ZEB2: variants seen among roughly 807,000 people sequenced by gnomAD.
ZEB2 encodes the protein zinc finger E-box binding homeobox 2, also known as zinc finger E-box-binding homeobox 2.
ZEB2 carries 6 observed loss-of-function variants against 99.9 expected under a neutral mutation model. The ratio of observed to expected loss-of-function variants is 0.06; its 90% confidence interval spans 0.03 to 0.12. The LOEUF (loss-of-function observed/expected upper bound fraction) is 0.12. Ranked by LOEUF, ZEB2 falls within the 10% of genes least tolerant of loss-of-function variation. ZEB2 has a pLI of 1.00. For missense variants in ZEB2, 969 were observed against 1,502.8 expected (o/e 0.64, Z 5.87); for synonymous variants, 517 against 542.5 (o/e 0.95, Z 0.65).
At chr2:144,436,606 G>A (rs892407144) in intron 2 of ZEB2, among the ~76,000 whole-genome samples, 1 of 152,152 alleles carries the variant, frequency 6.6e-6, no homozygotes, top group Admixed American at 6.6e-5. Context: ...ATATTAGCAG[G>A]TTCCCTGGTA....
At chr2:144,493,640 A>G (rs1704714213) in intron 2 of ZEB2, among the ~76,000 whole-genome samples, 1 of 152,188 alleles carries the variant, frequency 6.6e-6, no homozygotes, top group Non-Finnish European at 1.5e-5. Context: ...AGATTGGAAC[A>G]TGAAACAGTG....
intron 2 of ZEB2, chr2:144,462,955 A>G (rs1346425505): frequency 6.6e-6 from 1 of 152,216 alleles, no homozygotes; most frequent in African/African-American, 2.4e-5. Context: ...GAGCAGTGTG[A>G]AAACATAATA....
intron 2 of ZEB2, among the ~76,000 whole-genome samples, chr2:144,501,988 G>A (rs146934474): frequency 4.2e-4 from 64 of 152,338 alleles, no homozygotes; most frequent in African/African-American, 1.5e-3. Context: ...CTTTCTGGCT[G>A]TGGGAATTAT....
chr2:144,442,633 A>G (rs1468946956), intron 2 of ZEB2, among the ~76,000 whole-genome samples: 1 of 152,166 alleles, frequency 6.6e-6, no homozygotes, highest in Non-Finnish European at 1.5e-5. Context: ...GAGTTTATTC[A>G]AAATTTCAAA....
rs148622318 is a variant in ZEB2 at position 144,434,638 on chromosome 2, G to A, written c.74-4612C>T. On this transcript the variant is annotated intron_variant, in intron 2 of 9. Transcript: ENST00000627532. ...GGATGGAAATCCCTGGGACTTTTTG[G>A]GATTTTCATGCCACAAAAATGGAGA... Among the ~76,000 whole-genome samples, 311 of 152,166 alleles carry A rather than the reference G, an allele frequency of 2.0e-3. 2 individuals are homozygous for A. The highest frequency in any genetic ancestry group is 4.8e-3 in the Admixed American group (73 of 15,266).
chr2:144,510,796 T>G (rs1476346460), intron 2 of ZEB2, among the ~76,000 whole-genome samples: 1 of 152,114 alleles, frequency 6.6e-6, no homozygotes, highest in Non-Finnish European at 1.5e-5. Context: ...AGGGCTGAAT[T>G]GTGATTAAGA....
In ZEB2 at chr2:144,399,871, A is replaced by G. The variant is rs1703286538; in HGVS notation, c.1316T>C (p.Leu439Ser). 3 of 1,614,188 alleles carry G rather than the reference A, an allele frequency of 1.9e-6. No individual in the cohort carries two copies. Among genetic ancestry groups the G allele is most frequent in the Non-Finnish European group, 2.5e-6 (3 of 1,180,028 alleles). Residue 439 changes from leucine to serine, a missense_variant, in exon 8 of 10, where the codon TTA becomes TCA. Leu to Ser is a moderately radical substitution (Grantham distance 145). Around this residue, in one of 8 missense-constraint regions of ZEB2, gnomAD observed 227 missense variants for 278.2 expected, o/e 0.82. Coordinates refer to ENST00000627532, the MANE Select transcript of ZEB2 (RefSeq NM_014795.4). This position sits in a 1 kb window ranked among gnomAD's most constrained non-coding sequence, Gnocchi z 5.6. Reference sequence around the variant, plus strand: ...TAAAGGGGCTTCCATCCCTACACCTAAGTGCTGCATTGGACTCTGAGCAGA... The same window carrying G: ...TAAAGGGGCTTCCATCCCTACACCTGAGTGCTGCATTGGACTCTGAGCAGA... ...HPSAQSPMQH[L>S]GVGMEAPLLG...
chr2:144,517,152 G>T, intron 2 of ZEB2, 126 bp downstream of exon 2: 2 of 1,125,434 alleles, frequency 1.8e-6, no homozygotes, highest in Non-Finnish European at 2.4e-6. Flanking sequence ...GCGGAGGGAG[G>T]CTCGCCCTAG....
At chr2:144,432,221 C>T (rs763620619) in intron 2 of ZEB2, among the ~76,000 whole-genome samples, 2 of 152,164 alleles carry the variant, frequency 1.3e-5, no homozygotes, top group Non-Finnish European at 2.9e-5. Context: ...GTCAGGAGTA[C>T]AGCATCCATC....
intron 4 of ZEB2, among the ~76,000 whole-genome samples, chr2:144,412,339 A>T (rs1703476511): frequency 1.3e-5 from 2 of 152,198 alleles, no homozygotes; most frequent in Admixed American, 6.5e-5. Context: ...GTAACCTAAA[A>T]ATTTGGAATT....
At chr2:144,395,307 C>T (rs1216303249) in intron 9 of ZEB2, among the ~76,000 whole-genome samples, 1 of 151,986 alleles carries the variant, frequency 6.6e-6, no homozygotes, top group African/African-American at 2.4e-5. Context: ...CTCATATTCC[C>T]TTTTCTGTCT....
chr2:144,405,257 T>C (rs1304986300), intron 4 of ZEB2: 4 of 563,336 alleles, frequency 7.1e-6, no homozygotes, highest in African/African-American at 5.6e-5. Flanking sequence ...ATTTTATTTT[T>C]TCTTCCTGGA....
intron 1 of ZEB2, 135 bp from the exon 2 acceptor site, chr2:144,517,554 GGCCCCCTCCCC>G: frequency 1.5e-6 from 1 of 679,012 alleles, no homozygotes; most frequent in Non-Finnish European, 2.6e-6. Context: ...AAACTTCGGC[GGCCCCCTCCCC>G]GCCCCCCACC....
intron 9 of ZEB2, among the ~76,000 whole-genome samples, chr2:144,391,457 C>T (rs74433670): frequency 0.019 from 2,852 of 152,282 alleles, 40 homozygotes; most frequent in Non-Finnish European, 0.027. Flanking sequence ...CAAGGTAGCT[C>T]ATACTCTGAA....
intron 2 of ZEB2, among the ~76,000 whole-genome samples, chr2:144,501,980 T>A (rs1167344152): frequency 6.6e-6 from 1 of 152,232 alleles, no homozygotes; most frequent in African/African-American, 2.4e-5. Flanking sequence ...GTATCACTCT[T>A]TCTGGCTGTG....
chr2:144,497,547 G>C (rs1405415896), intron 2 of ZEB2, among the ~76,000 whole-genome samples: 2 of 151,770 alleles, frequency 1.3e-5, no homozygotes, highest in Non-Finnish European at 2.9e-5. Context: ...TCACTCTCAG[G>C]AATAAAGGTG....
intron 9 of ZEB2, among the ~76,000 whole-genome samples, chr2:144,396,036 G>A (rs549808881): frequency 7.9e-5 from 12 of 151,968 alleles, no homozygotes; most frequent in African/African-American, 2.9e-4. Context: ...ATTACTGTCT[G>A]AATTTCTTAT....
chr2:144,414,573 G>A (rs1703510653), intron 4 of ZEB2, among the ~76,000 whole-genome samples: 2 of 152,106 alleles, frequency 1.3e-5, no homozygotes, highest in Non-Finnish European at 2.9e-5. Flanking sequence ...AAAGGGCAGG[G>A]TGGGGTGGAG....
At chr2:144,503,524 G>A (rs1560653265) in intron 2 of ZEB2, 1 of 152,084 alleles carries the variant, frequency 6.6e-6, no homozygotes, top group Non-Finnish European at 1.5e-5. Context: ...CGACCCCCAA[G>A]TCTAGTTGGA....
Sources: allele counts gnomAD v4.1 joint callset (sites outside exome capture counted in the v4.1 genomes callset), GRCh38; gene constraint gnomAD v4.1.1; regional missense constraint gnomAD v4.1.1; non-coding constraint Gnocchi (gnomAD v3.1); transcripts MANE v1.5; gene names NCBI Gene and HGNC (gene_info 2026-07-23, HGNC 2026-07-21).